Variants in LRRIQ1 observed in about 807,000 individuals in gnomAD.
The protein encoded by LRRIQ1 is leucine-rich repeat- and IQ domain-containing protein 1.
In LRRIQ1, 210 loss-of-function variants were observed where a neutral mutation model predicts 211.9. The ratio of observed to expected loss-of-function variants is 0.99; its 90% confidence interval spans 0.89 to 1.11. LRRIQ1 has a LOEUF of 1.11. LRRIQ1 is among the 50% of genes most tolerant of loss of function. The pLI is 0.00. For missense variants in LRRIQ1, 2,136 were observed against 1,939.5 expected (o/e 1.10, Z -1.90); for synonymous variants, 699 against 650.1 (o/e 1.08, Z -1.14).
chr12:85,143,346 T>C (rs1332385471), intron 19 of LRRIQ1, among the ~76,000 whole-genome samples: 1 of 151,654 alleles, frequency 6.6e-6, no homozygotes, highest in East Asian at 1.9e-4. Context: ...CTTATATATT[T>C]TGGATATTAA....
chr12:85,168,434 G>A (rs554302373), intron 24 of LRRIQ1, among the ~76,000 whole-genome samples: 3 of 152,258 alleles, frequency 2.0e-5, no homozygotes, highest in Non-Finnish European at 4.4e-5. Flanking sequence ...AGAGGTAGGA[G>A]GAGCACAAAG....
chr12:85,228,918 T>C (rs1346997239), intron 24 of LRRIQ1, among the ~76,000 whole-genome samples: 1 of 152,166 alleles, frequency 6.6e-6, no homozygotes, highest in African/African-American at 2.4e-5. Flanking sequence ...TGGTGTACTG[T>C]CAATCAAGTT....
chr12:85,165,528 A>G (rs919138486), intron 24 of LRRIQ1, among the ~76,000 whole-genome samples: 7 of 136,892 alleles, frequency 5.1e-5, no homozygotes, highest in Non-Finnish European at 7.6e-5. Flanking sequence ...GCTCAAGTGC[A>G]GTGACACTAT....
intron 24 of LRRIQ1, among the ~76,000 whole-genome samples, chr12:85,193,655 A>G (rs1892723117): frequency 6.6e-6 from 1 of 152,114 alleles, no homozygotes; most frequent in Non-Finnish European, 1.5e-5. Flanking sequence ...CCTGCCTTAC[A>G]AGAGCTCCTA....
chr12:85,098,765 AATCT>A, intron 12 of LRRIQ1, 98 bp from the exon 13 acceptor site: 2 of 855,628 alleles, frequency 2.3e-6, no homozygotes, highest in South Asian at 2.5e-5. Context: ...ACTTTATCAG[AATCT>A]ATCTGTTGTT....
At chr12:85,271,160 CTT>C in the LRRIQ1 span, among the ~76,000 whole-genome samples, 13 of 152,226 alleles carry the variant, frequency 8.5e-5, no homozygotes, top group African/African-American at 3.1e-4. Flanking sequence ...TGTGAACAAA[CTT>C]CAGATATGTA....
chr12:85,210,018 A>G (rs936389870), intron 24 of LRRIQ1, among the ~76,000 whole-genome samples: 6 of 152,174 alleles, frequency 3.9e-5, no homozygotes, highest in African/African-American at 1.4e-4. Context: ...TTAATATACT[A>G]GCTATAATAA....
chr12:85,038,686 C>T (rs1174089474), intron 2 of LRRIQ1, among the ~76,000 whole-genome samples: 2 of 151,400 alleles, frequency 1.3e-5, no homozygotes, highest in African/African-American at 4.8e-5. Context: ...TAGATTTATT[C>T]ATTTATACCA....
chr12:85,171,452 G>T (rs930281342), intron 24 of LRRIQ1, among the ~76,000 whole-genome samples: 1 of 151,996 alleles, frequency 6.6e-6, no homozygotes, highest in Non-Finnish European at 1.5e-5. Context: ...CCACATCTTG[G>T]CATATCATCA....
At chr12:85,105,727 T>A (rs1171435082) in intron 14 of LRRIQ1, among the ~76,000 whole-genome samples, 1 of 151,888 alleles carries the variant, frequency 6.6e-6, no homozygotes, top group Non-Finnish European at 1.5e-5. Flanking sequence ...AATTTTTAAA[T>A]AATTTTTTTC....
In LRRIQ1 at chr12:85,044,765, G is replaced by T; in HGVS notation, c.292G>T (p.Gly98Ter). The T allele has an allele frequency of 6.4e-7, 1 of 1,565,092 alleles. No homozygotes were observed. The highest frequency in any genetic ancestry group is 1.1e-5 in the South Asian group (1 of 87,892). ...TAATAATCATATGCATTTAAGAACA[G>T]GACTATCAACTGAATATGAAGAAAG... The part of the protein sequence containing the change: ...VSNNHMHLRT[G>*]LSTEYEESSE... Residue 98 changes from glycine to a stop codon, truncating the protein, a stop_gained, in exon 4 of 27, where the codon GGA becomes TGA. Transcript: ENST00000393217. LOFTEE classifies it high-confidence loss of function.
At position 85,098,539 on chromosome 12, in the gene LRRIQ1, T is replaced by C. The variant is rs1886096215; in HGVS notation, c.3072T>C (p.Tyr1024=). ...AAATATTGAAGTTACAGGGAAATTA[T>C]CTGAGTGAGGTAATTGCTTTGAATT... ...LLQILKLQGN[Y]LSELPSLENL... is the part of the protein sequence containing the mutation. Residue 1024 remains tyrosine, a synonymous_variant, in exon 12 of 27, where the codon TAT becomes TAC. Transcript: ENST00000393217. 1 of 1,606,098 alleles carries C rather than the reference T, an allele frequency of 6.2e-7. No homozygotes were observed. Among genetic ancestry groups the C allele is most frequent in the Non-Finnish European group, 8.5e-7 (1 of 1,175,960 alleles).
the LRRIQ1 span, among the ~76,000 whole-genome samples, chr12:85,272,504 CTTAGT>C: frequency 4.0e-5 from 6 of 151,706 alleles, no homozygotes; most frequent in Non-Finnish European, 7.4e-5. Flanking sequence ...TTTTTAAATA[CTTAGT>C]TTATAGTAAT....
intron 20 of LRRIQ1, among the ~76,000 whole-genome samples, chr12:85,152,814 C>T (rs375702506): frequency 1.1e-4 from 16 of 151,454 alleles, no homozygotes; most frequent in Non-Finnish European, 7.4e-5. Flanking sequence ...TAATCATTTT[C>T]TATGTGAGAG....
intron 14 of LRRIQ1, 61 bp from the exon 15 acceptor site, chr12:85,106,458 TAGA>T: frequency 8.6e-7 from 1 of 1,160,026 alleles, no homozygotes; most frequent in African/African-American, 1.5e-5. Flanking sequence ...ACAGTGGTCA[TAGA>T]TTTATGATAT....
intron 24 of LRRIQ1, among the ~76,000 whole-genome samples, chr12:85,221,961 A>G (rs1347974708): frequency 1.3e-5 from 2 of 152,156 alleles, no homozygotes; most frequent in African/African-American, 4.8e-5. Context: ...TTCAGTAGAA[A>G]CAATGGTAGC....
chr12:85,191,685 CT>C (rs1741574371), intron 24 of LRRIQ1, among the ~76,000 whole-genome samples: 1 of 151,984 alleles, frequency 6.6e-6, no homozygotes, highest in African/African-American at 2.4e-5. Context: ...GTAAGAGTGA[CT>C]GCTGAATTGT....
At chr12:85,135,779 T>C (rs1889086191) in intron 18 of LRRIQ1, among the ~76,000 whole-genome samples, 1 of 90,130 alleles carries the variant, frequency 1.1e-5, no homozygotes, top group South Asian at 3.4e-4. Context: ...CCTTGCTTTC[T>C]AATGTGACAC....
chr12:85,085,145 G>A (rs942103713), intron 11 of LRRIQ1, among the ~76,000 whole-genome samples: 4 of 151,828 alleles, frequency 2.6e-5, no homozygotes, highest in African/African-American at 9.7e-5. Flanking sequence ...TTAGTTTCAG[G>A]GATTGTATTA....
Sources: allele counts gnomAD v4.1 joint callset (sites outside exome capture counted in the v4.1 genomes callset), GRCh38; gene constraint gnomAD v4.1.1; transcripts MANE v1.5; gene names NCBI Gene and HGNC (gene_info 2026-07-23, HGNC 2026-07-21).